The following NUBPL variants were observed in gnomAD, a reference collection of about 807,000 sequenced individuals.
NUBPL encodes NUBP iron-sulfur cluster assembly factor, mitochondrial.
In NUBPL, 31 loss-of-function variants were observed where a neutral mutation model predicts 45.7. That is an observed-to-expected ratio of 0.68 (90% CI 0.51 to 0.92). NUBPL has a LOEUF of 0.92. NUBPL is among the 40% of genes least tolerant of loss of function. NUBPL has a pLI of 0.00. For missense variants in NUBPL, 401 were observed against 398.7 expected, an observed-to-expected ratio of 1.01 and a Z score of -0.05; for synonymous variants, 144 against 140.9, an observed-to-expected ratio of 1.02 and a Z score of -0.15.
chr14:31,654,396 A>G (rs937760700), intron 4 of NUBPL, among the ~76,000 whole-genome samples: 1 of 150,644 alleles, frequency 6.6e-6, no homozygotes, highest in Non-Finnish European at 1.5e-5. Flanking sequence ...GGGTATGGCA[A>G]TTAACTTTTT....
chr14:31,590,974 A>G (rs555588024), intron 3 of NUBPL, among the ~76,000 whole-genome samples: 1 of 152,158 alleles, frequency 6.6e-6, no homozygotes, highest in Non-Finnish European at 1.5e-5. Context: ...TTACTAAATG[A>G]AAATGTGGCA....
intron 8 of NUBPL, among the ~76,000 whole-genome samples, chr14:31,838,507 A>G (rs2040320075): frequency 6.6e-6 from 1 of 152,206 alleles, no homozygotes; most frequent in Non-Finnish European, 1.5e-5. Flanking sequence ...TTCCATTAGT[A>G]TCAAATTCAA....
intron 7 of NUBPL, among the ~76,000 whole-genome samples, chr14:31,815,301 A>G (rs956975526): frequency 2.6e-5 from 4 of 152,040 alleles, no homozygotes; most frequent in South Asian, 2.1e-4. Flanking sequence ...CTTTGTAGCA[A>G]TTGTGAATGG....
chr14:31,793,141 C>T (rs1489829733), intron 7 of NUBPL, among the ~76,000 whole-genome samples: 3 of 152,140 alleles, frequency 2.0e-5, no homozygotes, highest in Admixed American at 6.6e-5. Context: ...TTTAGATTCT[C>T]ATTTGAATAT....
chr14:31,642,221 T>G (rs1408826135), intron 4 of NUBPL, among the ~76,000 whole-genome samples: 1 of 152,194 alleles, frequency 6.6e-6, no homozygotes, highest in Non-Finnish European at 1.5e-5. Context: ...CTTGGTTGCC[T>G]GTACTTTTGA....
chr14:31,772,827 G>T (rs2039032003), intron 6 of NUBPL, among the ~76,000 whole-genome samples: 1 of 152,126 alleles, frequency 6.6e-6, no homozygotes, highest in Admixed American at 6.6e-5. Context: ...TGAACTCATA[G>T]TGACTTTAGA....
At chr14:31,737,442 A>T (rs1482323590) in intron 6 of NUBPL, among the ~76,000 whole-genome samples, 2 of 150,456 alleles carry the variant, frequency 1.3e-5, no homozygotes, top group Non-Finnish European at 2.9e-5. Context: ...CTAACCTTTG[A>T]TAGCTGTCTC....
Position 31,607,679 on chromosome 14 carries a change from T to C in NUBPL, c.382+8300T>C, listed in dbSNP as rs372695157. On this transcript the variant is annotated intron_variant, in intron 4 of 10. Coordinates refer to ENST00000281081, the MANE Select transcript of NUBPL (RefSeq NM_025152.3). ...CTTGAAGACAGACTATTTGAAAATA[T>C]ATAGTCAGAGGAGACAAAAGAAAAA... 5.2e-4 allele frequency among the ~76,000 whole-genome samples: 79 copies of C among 151,964 alleles called. 3 individuals are homozygous for C. The South Asian group carries it at 9.6e-3, about 18-fold the overall frequency.
At chr14:31,702,117 A>T (rs1247693113) in intron 6 of NUBPL, among the ~76,000 whole-genome samples, 1 of 152,204 alleles carries the variant, frequency 6.6e-6, no homozygotes, top group Non-Finnish European at 1.5e-5. Flanking sequence ...TTACAGGAAA[A>T]GAGTACATAT....
chr14:31,707,030 A>T (rs371080733), intron 6 of NUBPL, among the ~76,000 whole-genome samples: 131 of 152,330 alleles, frequency 8.6e-4, no homozygotes, highest in African/African-American at 3.1e-3. Context: ...CTGCTTCTAT[A>T]AGAGTTTCAT....
At chr14:31,609,267 G>GT (rs1056771255) in intron 4 of NUBPL, among the ~76,000 whole-genome samples, 12 of 152,130 alleles carry the variant, frequency 7.9e-5, no homozygotes, top group African/African-American at 2.9e-4. Context: ...AAGAGCAGGA[G>GT]TTGCTATACT....
chr14:31,584,822 T>C (rs1595317996), intron 3 of NUBPL, among the ~76,000 whole-genome samples: 1 of 152,196 alleles, frequency 6.6e-6, no homozygotes, highest in South Asian at 2.1e-4. Flanking sequence ...CAATGTCTGG[T>C]TGAGGGCCTG....
intron 6 of NUBPL, among the ~76,000 whole-genome samples, chr14:31,698,349 T>G: frequency 6.6e-6 from 1 of 151,964 alleles, no homozygotes; most frequent in South Asian, 2.1e-4. Flanking sequence ...ACGTCATTCA[T>G]TTTGGTCTTT....
At chr14:31,564,960 A>C in intron 2 of NUBPL, 54 bp from the exon 3 acceptor site, 1 of 935,376 alleles carries the variant, frequency 1.1e-6, no homozygotes, top group Non-Finnish European at 1.7e-6. Context: ...AGATAAAATG[A>C]ATTTTAATAG....
intron 4 of NUBPL, among the ~76,000 whole-genome samples, chr14:31,617,887 C>G (rs1032659857): frequency 6.6e-6 from 1 of 152,102 alleles, no homozygotes; most frequent in Non-Finnish European, 1.5e-5. Context: ...TAGAATTAGG[C>G]TGTGAATCCA....
intron 3 of NUBPL, among the ~76,000 whole-genome samples, chr14:31,568,135 A>T (rs138827575): frequency 6.6e-6 from 1 of 152,192 alleles, no homozygotes; most frequent in Non-Finnish European, 1.5e-5. Context: ...TAATGACAGC[A>T]CTTAGTTACC....
intron 8 of NUBPL, among the ~76,000 whole-genome samples, chr14:31,832,483 G>A (rs375563954): frequency 6.6e-6 from 1 of 152,222 alleles, no homozygotes; most frequent in East Asian, 1.9e-4. Flanking sequence ...GAAATAAGAG[G>A]TTAGGTTCTC....
chr14:31,584,187 C>T (rs1331790979), intron 3 of NUBPL, among the ~76,000 whole-genome samples: 1 of 151,818 alleles, frequency 6.6e-6, no homozygotes, highest in Non-Finnish European at 1.5e-5. Context: ...GCTTTGTTGC[C>T]TAGGCTGAAG....
At chr14:31,841,375 T>C (rs1246356721) in intron 8 of NUBPL, among the ~76,000 whole-genome samples, 4 of 152,240 alleles carry the variant, frequency 2.6e-5, no homozygotes, top group Non-Finnish European at 4.4e-5. Context: ...TTTAGTCATA[T>C]TGATATTTCT....
Sources: gnomAD v4.1 joint callset for allele counts (sites outside exome capture counted in the v4.1 genomes callset) on GRCh38, gnomAD v4.1.1 for gene constraint, MANE v1.5 for transcripts, NCBI Gene and HGNC (gene_info 2026-07-23, HGNC 2026-07-21) for gene names.